IQGAP2: variants seen among roughly 807,000 people sequenced by gnomAD.
IQGAP2 encodes ras GTPase-activating-like protein IQGAP2.
Under a neutral mutation model 201.3 loss-of-function variants are expected in IQGAP2, and 173 were observed. The observed-to-expected ratio is 0.86, with a 90% CI of 0.76 to 0.98. The LOEUF is 0.98. Among genes scored for constraint, IQGAP2 ranks in the 50% least tolerant of loss-of-function variants. The probability of loss-of-function intolerance (pLI) is 0.00; values close to 1 mark genes in which losing one functional copy is unlikely to be tolerated. For synonymous variants in IQGAP2, 675 were observed against 673.9 expected, an observed-to-expected ratio of 1.00 and a Z score of -0.03; for missense variants, 1,687 against 1,864.8, an observed-to-expected ratio of 0.90 and a Z score of 1.76.
intron 5 of IQGAP2, among the ~76,000 whole-genome samples, chr5:76,580,441 A>G (rs1287246485): frequency 7.1e-6 from 1 of 140,222 alleles, no homozygotes; most frequent in African/African-American, 2.5e-5. Context: ...TCAAAGAACA[A>G]AACAAAACAA....
At chr5:76,553,886 T>C (rs889560375) in intron 2 of IQGAP2, among the ~76,000 whole-genome samples, 60 of 152,290 alleles carry the variant, frequency 3.9e-4, no homozygotes, top group African/African-American at 1.3e-3. Context: ...GAAGGGGGAA[T>C]ATTCTGGTTT....
chr5:76,679,428 G>C (rs1030433813), intron 28 of IQGAP2, among the ~76,000 whole-genome samples: 5 of 152,198 alleles, frequency 3.3e-5, no homozygotes, highest in African/African-American at 1.2e-4. Context: ...TAGGAAGACT[G>C]TCCTGTTTAC....
intron 5 of IQGAP2, among the ~76,000 whole-genome samples, chr5:76,579,114 CAG>C (rs1424515736): frequency 6.6e-6 from 1 of 152,032 alleles, no homozygotes; most frequent in Non-Finnish European, 1.5e-5. Flanking sequence ...CCTTAAAGAG[CAG>C]GTGAAATGCC....
At chr5:76,416,101 G>A (rs936673412) in intron 1 of IQGAP2, among the ~76,000 whole-genome samples, 2 of 152,224 alleles carry the variant, frequency 1.3e-5, no homozygotes, top group Non-Finnish European at 2.9e-5. Context: ...CTGTGAAGAG[G>A]TGAACTACTC....
rs143839039 is a variant in IQGAP2, at chr5:76,671,840, C to T, written c.2925C>T (p.Ala975=). The change falls in exon 24 of 36, where the codon GCC becomes GCT. Residue 975 remains alanine (A), a synonymous_variant. Transcript: ENST00000274364. ...TGGTCGTCAGCTTCAATAGAGGTGC[C>T]CGGGGACAGAACACCCTGCGCCAAC... The part of the protein sequence containing the change: ...IKMVVSFNRG[A]RGQNTLRQLL... The T allele has an allele frequency of 1.2e-6, 2 of 1,613,974 alleles. No individual in the cohort carries two copies. The highest frequency in any genetic ancestry group is 1.7e-6 in the Non-Finnish European group (2 of 1,179,984).
At chr5:76,598,422 GCAGGCAATT>G (rs1747187428) in intron 10 of IQGAP2, among the ~76,000 whole-genome samples, 1 of 151,960 alleles carries the variant, frequency 6.6e-6, no homozygotes, top group Non-Finnish European at 1.5e-5. Context: ...AAAAACATGA[GCAGGCAATT>G]CATAAAACAA....
intron 1 of IQGAP2, among the ~76,000 whole-genome samples, chr5:76,456,870 CAG>C (rs1192111841): frequency 5.9e-5 from 9 of 152,130 alleles, no homozygotes; most frequent in Admixed American, 2.0e-4. Context: ...TGTTTGAGCT[CAG>C]GGGTAAGTTC....
At chr5:76,601,894 T>C (rs1747453969) in intron 11 of IQGAP2, among the ~76,000 whole-genome samples, 1 of 152,180 alleles carries the variant, frequency 6.6e-6, no homozygotes, top group Admixed American at 6.5e-5. Context: ...AGAAACTAAT[T>C]CTCTTGTTCT....
chr5:76,542,376 A>T lies in IQGAP2; in HGVS notation c.147-20020A>T, dbSNP rs557430620. Among the ~76,000 whole-genome samples, 5 of 152,340 alleles carry T rather than the reference A, an allele frequency of 3.3e-5. No homozygotes were observed. In the East Asian group the frequency reaches 9.6e-4, roughly 29 times the overall value. Reference sequence around the variant, plus strand: ...AGGCCCTTGTGGTCCACATTTCCACAAGTAGCTGTGAGCTAGAGCCAAGTT... The same window carrying T: ...AGGCCCTTGTGGTCCACATTTCCACTAGTAGCTGTGAGCTAGAGCCAAGTT... On this transcript the variant is annotated intron_variant, in intron 2 of 35. Coordinates refer to ENST00000274364, the MANE Select transcript of IQGAP2 (RefSeq NM_006633.5).
intron 22 of IQGAP2, 126 bp downstream of exon 22, chr5:76,665,301 A>G (rs1036134899): frequency 1.3e-6 from 1 of 776,652 alleles, no homozygotes; most frequent in Admixed American, 2.5e-5. Context: ...TCTACTAAGT[A>G]CCAAGTGCTG....
At chr5:76,606,362 T>C in intron 12 of IQGAP2, 59 bp downstream of exon 12, 1 of 1,451,894 alleles carries the variant, frequency 6.9e-7, no homozygotes, top group South Asian at 1.6e-5. Context: ...TCTGGACAAC[T>C]TAGTTTTCTA....
At chr5:76,466,286 G>A (rs1246824926) in intron 2 of IQGAP2, among the ~76,000 whole-genome samples, 3 of 152,164 alleles carry the variant, frequency 2.0e-5, no homozygotes, top group Non-Finnish European at 4.4e-5. Flanking sequence ...AGTGAGTTAC[G>A]ATCACACCAC....
intron 1 of IQGAP2, among the ~76,000 whole-genome samples, chr5:76,407,023 G>C (rs1291352084): frequency 6.6e-6 from 1 of 152,056 alleles, no homozygotes; most frequent in Non-Finnish European, 1.5e-5. Flanking sequence ...CTCTCACCCA[G>C]GCTGGAGTGC....
chr5:76,569,444 T>A (rs1284888735), intron 3 of IQGAP2, among the ~76,000 whole-genome samples: 3 of 148,730 alleles, frequency 2.0e-5, no homozygotes, highest in African/African-American at 2.5e-5. Context: ...AAAAAAAAAA[T>A]AGGAATGATA....
chr5:76,500,588 C>T (rs1375704962), intron 2 of IQGAP2, among the ~76,000 whole-genome samples: 1 of 152,222 alleles, frequency 6.6e-6, no homozygotes, highest in Non-Finnish European at 1.5e-5. Flanking sequence ...ACGGGTACCA[C>T]TTTCCAATTT....
intron 1 of IQGAP2, among the ~76,000 whole-genome samples, chr5:76,412,265 T>C (rs147790288): frequency 8.9e-4 from 135 of 152,326 alleles, no homozygotes; most frequent in African/African-American, 3.2e-3. Flanking sequence ...GGTTGTTCTT[T>C]CTCTATTACT....
chr5:76,670,245 C>T (rs1457459494), intron 23 of IQGAP2, among the ~76,000 whole-genome samples: 10 of 152,228 alleles, frequency 6.6e-5, no homozygotes, highest in Non-Finnish European at 5.9e-5. Flanking sequence ...GGCACGGTGG[C>T]TCACGCCTGT....
At chr5:76,454,046 T>G (rs1753922568) in intron 1 of IQGAP2, among the ~76,000 whole-genome samples, 1 of 152,188 alleles carries the variant, frequency 6.6e-6, no homozygotes, top group African/African-American at 2.4e-5. Context: ...AATGGAATTT[T>G]CTCTGTGCCT....
At chr5:76,537,275 GCCTGT>G (rs756988409) in intron 2 of IQGAP2, among the ~76,000 whole-genome samples, 7 of 152,146 alleles carry the variant, frequency 4.6e-5, no homozygotes, top group African/African-American at 7.2e-5. Context: ...GTTAATAAAG[GCCTGT>G]CCGGAATAGT....
Sources: allele counts gnomAD v4.1 joint callset (sites outside exome capture counted in the v4.1 genomes callset), GRCh38; gene constraint gnomAD v4.1.1; transcripts MANE v1.5; gene names NCBI Gene and HGNC (gene_info 2026-07-23, HGNC 2026-07-21).